Variants in PTPRD observed in about 807,000 individuals in gnomAD.
PTPRD encodes protein tyrosine phosphatase receptor type D, also known as receptor-type tyrosine-protein phosphatase delta.
In PTPRD, 34 loss-of-function variants were observed where a neutral mutation model predicts 214.5. The observed-to-expected ratio is 0.16, with a 90% confidence interval of 0.12 to 0.21. The LOEUF is 0.21. PTPRD is among the 10% of genes least tolerant of loss of function. The pLI is 1.00. For synonymous variants in PTPRD, 1,128 were observed against 845.7 expected (o/e 1.33, Z -5.79); for missense variants, 2,545 against 2,398.7 (o/e 1.06, Z -1.27).
intron 11 of PTPRD, among the ~76,000 whole-genome samples, chr9:8,774,052 C>T (rs1002413699): frequency 6.6e-6 from 1 of 152,122 alleles, no homozygotes; most frequent in African/African-American, 2.4e-5. Flanking sequence ...GTTACAGTGC[C>T]CATTACTTTG....
chr9:8,743,598 G>A (rs10977272), intron 11 of PTPRD, among the ~76,000 whole-genome samples: 1 of 151,794 alleles, frequency 6.6e-6, no homozygotes, highest in African/African-American at 2.4e-5. Flanking sequence ...TACACAAATC[G>A]ACTGAAGATG....
At chr9:10,598,415 T>C (rs1039650463) in intron 2 of PTPRD, among the ~76,000 whole-genome samples, 1 of 151,710 alleles carries the variant, frequency 6.6e-6, no homozygotes, top group Admixed American at 6.6e-5. Context: ...AGGGACATAA[T>C]GGTAAAGATA....
chr9:9,688,845 A>T (rs2097211448), intron 7 of PTPRD, among the ~76,000 whole-genome samples: 1 of 151,844 alleles, frequency 6.6e-6, no homozygotes, highest in Non-Finnish European at 1.5e-5. Context: ...TTTAAAAAAA[A>T]CAAAGCTAAG....
intron 3 of PTPRD, among the ~76,000 whole-genome samples, chr9:10,162,561 G>C (rs902871351): frequency 2.0e-5 from 3 of 150,080 alleles, no homozygotes; most frequent in South Asian, 2.1e-4. Flanking sequence ...GAGTAGAAGG[G>C]GTTGAAGAAA....
chr9:9,212,968 T>G (rs7021332), intron 9 of PTPRD, among the ~76,000 whole-genome samples: 22,248 of 152,186 alleles, frequency 0.15, 1,836 homozygotes, highest in Non-Finnish European at 0.18. Context: ...TCTAAGATTC[T>G]ATAGATTCTA....
intron 35 of PTPRD, among the ~76,000 whole-genome samples, chr9:8,417,066 T>C (rs2093990590): frequency 6.6e-6 from 1 of 152,048 alleles, no homozygotes; most frequent in African/African-American, 2.4e-5. Flanking sequence ...GTAAGGAAAA[T>C]AGATTAAACA....
At chr9:8,550,089 G>C (rs1344349251) in intron 14 of PTPRD, among the ~76,000 whole-genome samples, 2 of 152,076 alleles carry the variant, frequency 1.3e-5, no homozygotes, top group Non-Finnish European at 2.9e-5. Context: ...TAGAAGACTT[G>C]TTTAGTTTTT....
chr9:8,803,654 G>A (rs1469123034), intron 11 of PTPRD, among the ~76,000 whole-genome samples: 1 of 151,848 alleles, frequency 6.6e-6, no homozygotes, highest in South Asian at 2.1e-4. Context: ...AGTCTAAGAG[G>A]TGAAGCCTAC....
At chr9:8,383,490 C>A (rs184438585) in intron 37 of PTPRD, among the ~76,000 whole-genome samples, 10 of 152,228 alleles carry the variant, frequency 6.6e-5, no homozygotes, top group Middle Eastern at 3.4e-3. Context: ...ATTCTTTGGC[C>A]TAAGATAGAA....
At chr9:8,377,088 T>C (rs914536008) in intron 37 of PTPRD, among the ~76,000 whole-genome samples, 1 of 152,082 alleles carries the variant, frequency 6.6e-6, no homozygotes, top group East Asian at 1.9e-4. Flanking sequence ...GGATGACACT[T>C]TGTCATTTAA....
At chr9:9,030,590 G>A (rs1441041806) in intron 10 of PTPRD, among the ~76,000 whole-genome samples, 1 of 151,740 alleles carries the variant, frequency 6.6e-6, no homozygotes, top group Non-Finnish European at 1.5e-5. Flanking sequence ...GAAAGATTTA[G>A]GGCTAAGGTT....
At position 10,085,561 on chromosome 9, in the gene PTPRD, A is replaced by G. The variant is rs144683729; in HGVS notation, c.-544-51771T>C. On this transcript the variant is annotated intron_variant, in intron 3 of 45. Coordinates refer to ENST00000381196, the MANE Select transcript of PTPRD (RefSeq NM_002839.4). ...ATAAGAGATGTAAGTGGAAAAGGGAAAGAGATGCTGGTCATAAGCTAAATC... is the reference window on the plus strand; with the variant it reads ...ATAAGAGATGTAAGTGGAAAAGGGAGAGAGATGCTGGTCATAAGCTAAATC... Among the ~76,000 whole-genome samples, 1,075 of 151,864 alleles carry G rather than the reference A, an allele frequency of 7.1e-3. 6 individuals are homozygous for G. Among genetic ancestry groups the G allele is most frequent in the Non-Finnish European group, 0.011 (756 of 67,892 alleles).
At chr9:10,398,820 G>A (rs1215503388) in intron 2 of PTPRD, among the ~76,000 whole-genome samples, 1 of 151,856 alleles carries the variant, frequency 6.6e-6, no homozygotes, top group East Asian at 1.9e-4. Context: ...TCTATGAGGA[G>A]GTTATTTTCA....
intron 6 of PTPRD, among the ~76,000 whole-genome samples, chr9:9,746,772 T>A (rs1357605802): frequency 1.3e-5 from 2 of 152,010 alleles, no homozygotes; most frequent in African/African-American, 2.4e-5. Context: ...GGGTCACAGT[T>A]TTTTACTTCA....
chr9:8,614,766 G>A (rs2095556597), intron 14 of PTPRD, among the ~76,000 whole-genome samples: 1 of 152,144 alleles, frequency 6.6e-6, no homozygotes, highest in African/African-American at 2.4e-5. Context: ...CAGACATCCG[G>A]TCACTTTCAG....
chr9:10,134,036 C>T (rs2098923610), intron 3 of PTPRD, among the ~76,000 whole-genome samples: 1 of 152,222 alleles, frequency 6.6e-6, no homozygotes, highest in African/African-American at 2.4e-5. Flanking sequence ...GTTGGGCAGT[C>T]TCCACAGCCA....
At chr9:8,610,899 C>G (rs1052716648) in intron 14 of PTPRD, among the ~76,000 whole-genome samples, 18 of 152,290 alleles carry the variant, frequency 1.2e-4, no homozygotes, top group Admixed American at 4.6e-4. Flanking sequence ...ACTTTACTAG[C>G]CAGCTGCTAA....
At chr9:8,345,645 C>T (rs545297902) in intron 39 of PTPRD, among the ~76,000 whole-genome samples, 8 of 152,074 alleles carry the variant, frequency 5.3e-5, no homozygotes, top group Middle Eastern at 3.4e-3. Flanking sequence ...AGGTAGTACA[C>T]GAAATCAGCC....
At chr9:9,355,394 T>C (rs893297191) in intron 9 of PTPRD, among the ~76,000 whole-genome samples, 5 of 151,312 alleles carry the variant, frequency 3.3e-5, no homozygotes, top group Non-Finnish European at 5.9e-5. Flanking sequence ...GGTGAAAGAA[T>C]GGGCTTAATT....
Sources: allele counts gnomAD v4.1 joint callset (sites outside exome capture counted in the v4.1 genomes callset), GRCh38; gene constraint gnomAD v4.1.1; transcripts MANE v1.5; gene names NCBI Gene and HGNC (gene_info 2026-07-23, HGNC 2026-07-21).